PRR16: variants seen among roughly 807,000 people sequenced by gnomAD.
The protein encoded by PRR16 is proline rich 16, also known as protein Largen.
Under a neutral mutation model 18.2 loss-of-function variants are expected in PRR16, and 6 were observed. That is an observed-to-expected ratio of 0.33 (90% CI 0.18 to 0.65). The LOEUF (loss-of-function observed/expected upper bound fraction) is 0.65, where lower values mean the gene tolerates loss of function less well. Among genes scored for constraint, PRR16 ranks in the 30% least tolerant of loss-of-function variants. The pLI, the probability that PRR16 is intolerant of heterozygous loss-of-function variation, is 0.74. For missense variants in PRR16, 412 were observed against 376.6 expected, an observed-to-expected ratio of 1.09 and a Z score of -0.78; for synonymous variants, 151 against 147.8, an observed-to-expected ratio of 1.02 and a Z score of -0.16.
the PRR16 span, among the ~76,000 whole-genome samples, chr5:120,749,671 C>A: frequency 6.6e-6 from 1 of 152,006 alleles, no homozygotes; most frequent in Non-Finnish European, 1.5e-5. Flanking sequence ...ATAATTAATA[C>A]CAAAACCTAG....
At chr5:120,751,092 T>G in the PRR16 span, among the ~76,000 whole-genome samples, 8 of 152,154 alleles carry the variant, frequency 5.3e-5, no homozygotes, top group African/African-American at 1.9e-4. Context: ...TCCAGTTCCA[T>G]CCATCTTGCT....
chr5:120,493,537 TA>T (rs1347786377), intron 1 of PRR16, among the ~76,000 whole-genome samples: 1 of 152,200 alleles, frequency 6.6e-6, no homozygotes, highest in Non-Finnish European at 1.5e-5. Context: ...CATTTCTCTT[TA>T]CCCAATTTCC....
chr5:120,703,106 C>T, the PRR16 span, among the ~76,000 whole-genome samples: 3 of 151,324 alleles, frequency 2.0e-5, no homozygotes, highest in African/African-American at 7.3e-5. Flanking sequence ...GGATTTGGGT[C>T]GGTAAAGGAA....
the PRR16 span, among the ~76,000 whole-genome samples, chr5:120,765,089 A>G: frequency 0.41 from 61,771 of 151,746 alleles, 12,815 homozygotes; most frequent in African/African-American, 0.48. Flanking sequence ...TTTTGATTTC[A>G]AATATGTATG....
At chr5:120,569,385 A>G (rs1752834652) in intron 1 of PRR16, among the ~76,000 whole-genome samples, 1 of 152,172 alleles carries the variant, frequency 6.6e-6, no homozygotes, top group Non-Finnish European at 1.5e-5. Context: ...TTTTGCAGTG[A>G]TGGGGTCTCA....
At chr5:120,589,589 G>A (rs1753563549) in intron 1 of PRR16, among the ~76,000 whole-genome samples, 1 of 152,034 alleles carries the variant, frequency 6.6e-6, no homozygotes, top group Non-Finnish European at 1.5e-5. Flanking sequence ...AAATGGCTGG[G>A]GAGGCCTCAG....
the PRR16 span, among the ~76,000 whole-genome samples, chr5:120,718,969 G>T: frequency 1.1e-4 from 17 of 152,010 alleles, no homozygotes; most frequent in African/African-American, 4.1e-4. Flanking sequence ...AGATTAAGGG[G>T]AGCAGTCAGA....
the PRR16 span, among the ~76,000 whole-genome samples, chr5:120,766,448 T>C: frequency 6.6e-6 from 1 of 152,020 alleles, no homozygotes; most frequent in Non-Finnish European, 1.5e-5. Flanking sequence ...TTATATCTTT[T>C]TTTCATTGAT....
intron 1 of PRR16, among the ~76,000 whole-genome samples, chr5:120,616,804 T>C (rs1297749380): frequency 1.3e-5 from 2 of 152,172 alleles, no homozygotes; most frequent in African/African-American, 4.8e-5. Flanking sequence ...TCAGAAAGAA[T>C]ATGTACTCAG....
chr5:120,694,079 T>C, the PRR16 span, among the ~76,000 whole-genome samples: 1 of 152,240 alleles, frequency 6.6e-6, no homozygotes, highest in African/African-American at 2.4e-5. Flanking sequence ...GAGGTCCTAA[T>C]TACTTAATGA....
chr5:120,560,993 T>C (rs556654404), intron 1 of PRR16, among the ~76,000 whole-genome samples: 44 of 152,224 alleles, frequency 2.9e-4, no homozygotes, highest in African/African-American at 9.1e-4. Context: ...TATTTTTGAT[T>C]CTGTTTGTGT....
chr5:120,647,062 A>G (rs1755624869), intron 1 of PRR16, among the ~76,000 whole-genome samples: 1 of 152,020 alleles, frequency 6.6e-6, no homozygotes, highest in African/African-American at 2.4e-5. Context: ...GAATGACACA[A>G]TCGTAAAAGT....
intron 1 of PRR16, among the ~76,000 whole-genome samples, chr5:120,583,002 A>T (rs1176374792): frequency 6.6e-6 from 1 of 152,184 alleles, no homozygotes; most frequent in Non-Finnish European, 1.5e-5. Context: ...TCATTCTCTC[A>T]CAGATCTGAT....
the PRR16 span, among the ~76,000 whole-genome samples, chr5:120,694,477 G>T: frequency 6.6e-6 from 1 of 152,082 alleles, no homozygotes; most frequent in Non-Finnish European, 1.5e-5. Context: ...GAGGTCAGGA[G>T]ATCGAGACCA....
At chr5:120,766,388 G>C in the PRR16 span, among the ~76,000 whole-genome samples, 1 of 151,560 alleles carries the variant, frequency 6.6e-6, no homozygotes, top group South Asian at 2.1e-4. Context: ...TTGGCCATTT[G>C]GATTTCATCC....
intron 1 of PRR16, among the ~76,000 whole-genome samples, chr5:120,636,223 A>G (rs972826786): frequency 1.2e-4 from 19 of 152,096 alleles, no homozygotes; most frequent in Non-Finnish European, 2.1e-4. Context: ...TACAAATTCA[A>G]TACAATTCCC....
At chr5:120,567,087 A>G (rs772789992) in intron 1 of PRR16, among the ~76,000 whole-genome samples, 11 of 152,000 alleles carry the variant, frequency 7.2e-5, no homozygotes, top group Non-Finnish European at 1.2e-4. Flanking sequence ...ATGCTTTCAT[A>G]CTTATCATAC....
intron 1 of PRR16, among the ~76,000 whole-genome samples, chr5:120,655,657 A>G (rs546702056): frequency 6.6e-6 from 1 of 151,978 alleles, no homozygotes; most frequent in Non-Finnish European, 1.5e-5. Flanking sequence ...CCTAGTATGG[A>G]ACACAATAAA....
At chr5:120,712,281 A>G in the PRR16 span, among the ~76,000 whole-genome samples, 15 of 152,302 alleles carry the variant, frequency 9.8e-5, no homozygotes, top group African/African-American at 3.4e-4. Context: ...CACAATATGC[A>G]ATAATACAAT....
Sources: gnomAD v4.1 joint callset for allele counts (sites outside exome capture counted in the v4.1 genomes callset) on GRCh38, gnomAD v4.1.1 for gene constraint, MANE v1.5 for transcripts, NCBI Gene and HGNC (gene_info 2026-07-23, HGNC 2026-07-21) for gene names.